MARCHF8: variants seen among roughly 807,000 people sequenced by gnomAD.
The protein encoded by MARCHF8 is E3 ubiquitin-protein ligase MARCHF8.
A neutral mutation model predicts 51.6 loss-of-function variants in MARCHF8; 40 were observed. That is an observed-to-expected ratio of 0.77 (90% CI 0.60 to 1.01). The LOEUF (loss-of-function observed/expected upper bound fraction) is 1.01. Ranked by LOEUF, MARCHF8 falls within the 50% of genes least tolerant of loss-of-function variation. MARCHF8 has a pLI of 0.00. For synonymous variants in MARCHF8, 263 were observed against 280.3 expected (o/e 0.94, Z 0.62); for missense variants, 685 against 708.6 (o/e 0.97, Z 0.38).
At chr10:45,553,431 A>G (rs2044217287) in intron 1 of MARCHF8, among the ~76,000 whole-genome samples, 1 of 152,180 alleles carries the variant, frequency 6.6e-6, no homozygotes, top group Non-Finnish European at 1.5e-5. Context: ...TGCATCCTCC[A>G]CTATTCCCAG....
rs532103177 is a variant in MARCHF8, at chr10:45,515,629, ACT to A, written c.102+17479_102+17480del. On this transcript the variant is annotated intron_variant, in intron 2 of 7. Coordinates refer to ENST00000453424, the MANE Select transcript of MARCHF8 (RefSeq NM_001282866.2). The stretch of plus-strand genomic sequence containing the variant: ...GAAATAATGATTTCTTCCAGTACAG[ACT>A]CTGCATCATTCCACAAGCACTGAGC... 2.6e-3 allele frequency among the ~76,000 whole-genome samples: 396 copies of A among 152,094 alleles called. 2 individuals are homozygous for A. The highest frequency in any genetic ancestry group is 8.4e-3 in the African/African-American group (348 of 41,484).
chr10:45,579,020 G>A (rs2044521241), intron 1 of MARCHF8, among the ~76,000 whole-genome samples: 1 of 152,150 alleles, frequency 6.6e-6, no homozygotes, highest in Non-Finnish European at 1.5e-5. Flanking sequence ...ACATTATAGG[G>A]ACAACTGTTG....
chr10:45,508,266 G>T (rs908446051), intron 2 of MARCHF8, among the ~76,000 whole-genome samples: 13 of 149,948 alleles, frequency 8.7e-5, no homozygotes, highest in Non-Finnish European at 1.5e-4. Context: ...ATACTTTTGG[G>T]ACTAAAACTG....
At chr10:45,479,191 C>A (rs1176871852) in intron 3 of MARCHF8, among the ~76,000 whole-genome samples, 1 of 152,182 alleles carries the variant, frequency 6.6e-6, no homozygotes, top group East Asian at 1.9e-4. Flanking sequence ...TCTTTCATCA[C>A]ATGCAAATCA....
intron 1 of MARCHF8, among the ~76,000 whole-genome samples, chr10:45,567,260 T>C (rs2044375743): frequency 6.6e-6 from 1 of 152,214 alleles, no homozygotes; most frequent in Admixed American, 6.5e-5. Context: ...TATCCTTCGC[T>C]GTGCAGAAGC....
chr10:45,474,795 G>T (rs1390444406), intron 3 of MARCHF8, among the ~76,000 whole-genome samples: 2 of 152,176 alleles, frequency 1.3e-5, no homozygotes, highest in African/African-American at 4.8e-5. Flanking sequence ...GCAGCCAAGA[G>T]GTTCCCCAGT....
intron 3 of MARCHF8, among the ~76,000 whole-genome samples, chr10:45,473,220 A>C (rs1211663938): frequency 6.6e-6 from 1 of 152,252 alleles, no homozygotes; most frequent in Non-Finnish European, 1.5e-5. Flanking sequence ...TAGGAGGGTT[A>C]GTGCTCAAAT....
At chr10:45,532,418 T>A (rs1470169826) in intron 2 of MARCHF8, among the ~76,000 whole-genome samples, 1 of 152,240 alleles carries the variant, frequency 6.6e-6, no homozygotes, top group Non-Finnish European at 1.5e-5. Flanking sequence ...ACAAAACTTT[T>A]ATGCCAGAAC....
chr10:45,560,626 G>A (rs778261739), intron 1 of MARCHF8, among the ~76,000 whole-genome samples: 33 of 152,210 alleles, frequency 2.2e-4, no homozygotes, highest in South Asian at 8.3e-4. Flanking sequence ...CCCCTAGCCC[G>A]CTCCCCTAGC....
At chr10:45,546,487 C>T (rs1037441326) in intron 1 of MARCHF8, among the ~76,000 whole-genome samples, 4 of 151,934 alleles carry the variant, frequency 2.6e-5, no homozygotes, top group Admixed American at 6.6e-5. Context: ...TTTAATGCAA[C>T]AAGAATAAAG....
chr10:45,522,589 A>G (rs1190659740), intron 2 of MARCHF8, among the ~76,000 whole-genome samples: 1 of 152,164 alleles, frequency 6.6e-6, no homozygotes, highest in Admixed American at 6.5e-5. Context: ...CACTACCTTA[A>G]TCATCCTAAG....
In MARCHF8 at chr10:45,512,886, A is replaced by G. The variant is rs1021886895; in HGVS notation, c.102+20224T>C. On this transcript the variant is annotated intron_variant, in intron 2 of 7. Coordinates refer to ENST00000453424, the MANE Select transcript of MARCHF8 (RefSeq NM_001282866.2). ...TTCATTTTGTTCTGTACCAAGAAAAATTCTTCTGCCTTGGGATCCTGTTGA... is the reference window on the plus strand; with the variant it reads ...TTCATTTTGTTCTGTACCAAGAAAAGTTCTTCTGCCTTGGGATCCTGTTGA... 2.4e-4 allele frequency among the ~76,000 whole-genome samples: 37 copies of G among 151,970 alleles called. 1 individual carries two copies. Among genetic ancestry groups the G allele is most frequent in the African/African-American group, 8.0e-4 (33 of 41,308 alleles).
intron 1 of MARCHF8, among the ~76,000 whole-genome samples, chr10:45,565,948 T>C (rs1003568476): frequency 1.3e-5 from 2 of 152,210 alleles, no homozygotes; most frequent in Non-Finnish European, 2.9e-5. Flanking sequence ...AGCACTACAA[T>C]TCTTGTCTGA....
intron 2 of MARCHF8, among the ~76,000 whole-genome samples, chr10:45,490,459 C>T (rs1182699833): frequency 6.6e-6 from 1 of 152,104 alleles, no homozygotes; most frequent in Non-Finnish European, 1.5e-5. Flanking sequence ...AGATGGCCAT[C>T]TACAAGCCAA....
At chr10:45,578,468 T>C (rs1285760138) in intron 1 of MARCHF8, among the ~76,000 whole-genome samples, 1 of 152,084 alleles carries the variant, frequency 6.6e-6, no homozygotes, top group Non-Finnish European at 1.5e-5. Context: ...ATAAATGGGA[T>C]GTGGAGGGAG....
intron 2 of MARCHF8, among the ~76,000 whole-genome samples, chr10:45,509,027 G>C (rs1169390895): frequency 6.6e-6 from 1 of 152,088 alleles, no homozygotes; most frequent in African/African-American, 2.4e-5. Flanking sequence ...GTTTCCCTCA[G>C]AGCCTTTTCA....
At chr10:45,478,561 T>C (rs936120836) in intron 3 of MARCHF8, among the ~76,000 whole-genome samples, 7 of 127,014 alleles carry the variant, frequency 5.5e-5, no homozygotes, top group Admixed American at 4.9e-4. Flanking sequence ...CTAAACTAAA[T>C]AGGAGCTAAA....
chr10:45,526,371 A>G (rs1200685315), intron 2 of MARCHF8, among the ~76,000 whole-genome samples: 1 of 152,294 alleles, frequency 6.6e-6, no homozygotes, highest in African/African-American at 2.4e-5. Context: ...CCACATTCCC[A>G]CCATGGACTT....
In MARCHF8 at chr10:45,461,226, C is replaced by T. The variant is rs750581923; in HGVS notation, c.1269+5G>A. 3.3e-6 allele frequency: 5 copies of T among 1,506,754 alleles called. No individual in the cohort carries two copies. The highest frequency in any genetic ancestry group is 4.5e-6 in the Non-Finnish European group (5 of 1,122,996). 93.3% of individuals were successfully genotyped at this position (1,506,754 alleles called of 1,614,324 possible). On this transcript the variant is annotated splice_donor_5th_base_variant and intron_variant, in intron 6 of 7. Transcript: ENST00000453424. Reference sequence around the variant, plus strand: ...AAGGGTGAAGCATCCCTTCCTCCCACGTACTTTTCTCAGTGGCTTCAGCTT... The same window carrying T: ...AAGGGTGAAGCATCCCTTCCTCCCATGTACTTTTCTCAGTGGCTTCAGCTT...
Sources: gnomAD v4.1 joint callset for allele counts (sites outside exome capture counted in the v4.1 genomes callset) on GRCh38, gnomAD v4.1.1 for gene constraint, MANE v1.5 for transcripts, NCBI Gene and HGNC (gene_info 2026-07-23, HGNC 2026-07-21) for gene names.